Variants in ELP4 observed in about 807,000 individuals in gnomAD.
ELP4 encodes elongator acetyltransferase complex subunit 4, also known as elongator complex protein 4.
Under a neutral mutation model 48.9 loss-of-function variants are expected in ELP4, and 51 were observed. The ratio of observed to expected loss-of-function variants is 1.04; its 90% CI spans 0.83 to 1.32. ELP4 has a LOEUF of 1.32. Among genes scored for constraint, ELP4 ranks in the 40% most tolerant of loss-of-function variants. The pLI, the probability that ELP4 is intolerant of heterozygous loss-of-function variation, is 0.00. For synonymous variants in ELP4, 210 were observed against 189.2 expected (o/e 1.11, Z -0.90); for missense variants, 519 against 514.6 (o/e 1.01, Z -0.08).
Position 31,509,985 on chromosome 11 carries a change from C to G in ELP4, c.201C>G (p.Leu67=), listed in dbSNP as rs1046930166. The G allele has an allele frequency of 8.1e-6, 13 of 1,612,076 alleles. No homozygotes were observed. Among genetic ancestry groups the G allele is most frequent in the Non-Finnish European group, 1.0e-5 (12 of 1,179,988 alleles). The part of the protein sequence containing the change: ...RNGQLLVSTG[L]PALDQLLGGG... ...GACAGCTGCTGGTATCAACCGGGCT[C>G]CCAGCCCTAGACCAGCTCTTAGGTC... Residue 67 remains leucine, a synonymous_variant, in exon 1 of 10, where the codon CTC becomes CTG. Transcript: ENST00000640961.
At chr11:31,650,920 T>G (rs1945305739) in intron 9 of ELP4, 1 of 151,764 alleles carries the variant, frequency 6.6e-6, no homozygotes, top group South Asian at 2.1e-4. Flanking sequence ...CGGTGCAATT[T>G]TTTTTTAACA....
At chr11:31,728,554 C>T in intron 9 of ELP4, among the ~76,000 whole-genome samples, 2 of 152,194 alleles carry the variant, frequency 1.3e-5, no homozygotes, top group East Asian at 3.8e-4. Flanking sequence ...GCTTTCCTGC[C>T]TGTATCTATA....
In ELP4 at chr11:31,789,932, T is replaced by A; in HGVS notation, c.*6408T>A. 1 of 1,560,404 alleles carries A rather than the reference T, an allele frequency of 6.4e-7. No individual in the cohort carries two copies. ...CTTTCCTTTTTTTTTTTTTTTTTTT[T>A]TTTACTGTAATCTTGGCCAGTATTG... On this transcript the variant is annotated 3_prime_UTR_variant, in exon 10 of 10. Transcript: ENST00000640961.
At chr11:31,545,497 T>C (rs1956686874) in intron 3 of ELP4, among the ~76,000 whole-genome samples, 1 of 151,800 alleles carries the variant, frequency 6.6e-6, no homozygotes, top group African/African-American at 2.4e-5. Flanking sequence ...AAAGACCAAA[T>C]CTACGTCTGA....
chr11:31,667,613 TA>T (rs1945708035), intron 9 of ELP4, among the ~76,000 whole-genome samples: 1 of 152,162 alleles, frequency 6.6e-6, no homozygotes, highest in Admixed American at 6.5e-5. Context: ...CCATCTAAAA[TA>T]AGCATCCTGA....
At chr11:31,715,057 CT>C (rs796771435) in intron 9 of ELP4, 20 of 357,558 alleles carry the variant, frequency 5.6e-5, no homozygotes, top group African/African-American at 4.0e-4. Flanking sequence ...TCAGTAACCA[CT>C]ATGATAGTTC....
chr11:31,718,507 G>A (rs1314019763), intron 9 of ELP4, among the ~76,000 whole-genome samples: 1 of 152,164 alleles, frequency 6.6e-6, no homozygotes, highest in Non-Finnish European at 1.5e-5. Context: ...CATGCTTGTT[G>A]GATGCACTAT....
rs1044580021 is a variant in ELP4, at chr11:31,789,468, A to G, written c.*5944A>G. ...TAATTATATGCAAAGGAATGATACA[A>G]ACTTGGAACATCAGTCCATAAACTA... is the stretch of plus-strand genomic sequence containing the variant. On this transcript the variant is annotated 3_prime_UTR_variant, in exon 10 of 10. Transcript: ENST00000640961. 2.0e-6 allele frequency: 1 copy of G among 491,292 alleles called. No homozygotes were observed. Among genetic ancestry groups the G allele is most frequent in the South Asian group, 3.6e-5 (1 of 27,788 alleles). The allele number at this position is 491,292 out of a possible 1,614,324, so 30.4% of individuals were successfully genotyped here.
intron 9 of ELP4, among the ~76,000 whole-genome samples, chr11:31,769,265 C>T (rs1317716727): frequency 1.3e-5 from 2 of 152,008 alleles, no homozygotes; most frequent in Non-Finnish European, 2.9e-5. Flanking sequence ...GAGTAATGTT[C>T]TGCATACACT....
chr11:31,757,913 C>G (rs768548131), intron 9 of ELP4, among the ~76,000 whole-genome samples: 1 of 152,110 alleles, frequency 6.6e-6, no homozygotes, highest in African/African-American at 2.4e-5. Flanking sequence ...TTTCTTCTTA[C>G]AAAATATACT....
chr11:31,642,426 C>T (rs1945117901), intron 7 of ELP4, among the ~76,000 whole-genome samples: 1 of 151,764 alleles, frequency 6.6e-6, no homozygotes, highest in Non-Finnish European at 1.5e-5. Context: ...AAAGTTGTGG[C>T]TCCATTGCCT....
chr11:31,674,357 G>C (rs1353397994), intron 9 of ELP4, among the ~76,000 whole-genome samples: 1 of 152,158 alleles, frequency 6.6e-6, no homozygotes, highest in Admixed American at 6.5e-5. Context: ...ATATGGAAAA[G>C]ATTGTTTCCA....
intron 2 of ELP4, among the ~76,000 whole-genome samples, chr11:31,537,997 A>G (rs1483201228): frequency 2.0e-5 from 3 of 152,136 alleles, no homozygotes; most frequent in Non-Finnish European, 4.4e-5. Context: ...AACATGATAT[A>G]TCTCTCCATT....
intron 9 of ELP4, among the ~76,000 whole-genome samples, chr11:31,679,766 T>A (rs1235272423): frequency 6.6e-6 from 1 of 152,170 alleles, no homozygotes; most frequent in East Asian, 1.9e-4. Context: ...CTATTATGGG[T>A]CTTTTGCCTT....
chr11:31,755,073 C>T (rs1246861938), intron 9 of ELP4, among the ~76,000 whole-genome samples: 5 of 152,032 alleles, frequency 3.3e-5, no homozygotes, highest in Middle Eastern at 3.2e-3. Flanking sequence ...AGTAAGGAAA[C>T]ATTTAAAGAA....
intron 9 of ELP4, among the ~76,000 whole-genome samples, chr11:31,700,166 A>G (rs1946491361): frequency 1.3e-5 from 2 of 151,922 alleles, no homozygotes; most frequent in Admixed American, 1.3e-4. Context: ...GTTCTTGGAT[A>G]CTTCAGAAAA....
intron 3 of ELP4, among the ~76,000 whole-genome samples, chr11:31,592,204 A>G (rs1045318240): frequency 4.6e-5 from 7 of 152,174 alleles, no homozygotes; most frequent in Admixed American, 4.6e-4. Flanking sequence ...CAAATTTTTT[A>G]CTTAAAATGT....
intron 5 of ELP4, among the ~76,000 whole-genome samples, chr11:31,612,008 T>C (rs1957989464): frequency 6.6e-6 from 1 of 152,054 alleles, no homozygotes; most frequent in Non-Finnish European, 1.5e-5. Context: ...GAATAGCAGA[T>C]GTGCTAATAA....
intron 9 of ELP4, among the ~76,000 whole-genome samples, chr11:31,736,729 C>G (rs1947327007): frequency 2.6e-5 from 4 of 152,194 alleles, no homozygotes; most frequent in Non-Finnish European, 2.9e-5. Context: ...TGAGAAAATG[C>G]TCATCATCAC....
Sources: allele counts gnomAD v4.1 joint callset (sites outside exome capture counted in the v4.1 genomes callset), GRCh38; gene constraint gnomAD v4.1.1; transcripts MANE v1.5; gene names NCBI Gene and HGNC (gene_info 2026-07-23, HGNC 2026-07-21).